RBFOX1: variants seen among roughly 807,000 people sequenced by gnomAD.
RBFOX1 encodes RNA binding protein fox-1 homolog 1.
RBFOX1 carries 8 observed loss-of-function variants against 57.7 expected under a neutral mutation model. That is an observed-to-expected ratio of 0.14 (90% CI 0.08 to 0.25). RBFOX1 has a LOEUF of 0.25. RBFOX1 is among the 10% of genes least tolerant of loss of function. The pLI is 1.00. For missense variants in RBFOX1, 611 were observed against 548.5 expected (o/e 1.11, Z -1.14); for synonymous variants, 326 against 222.4 (o/e 1.47, Z -4.15).
intron 3 of RBFOX1, among the ~76,000 whole-genome samples, chr16:6,963,735 G>A (rs968130627): frequency 5.3e-5 from 8 of 152,098 alleles, no homozygotes; most frequent in Non-Finnish European, 1.2e-4. Context: ...GTCTTGCTCT[G>A]TTGCCCAGGC....
At chr16:6,681,287 C>A (rs2058614365) in intron 3 of RBFOX1, among the ~76,000 whole-genome samples, 1 of 152,008 alleles carries the variant, frequency 6.6e-6, no homozygotes, top group Admixed American at 6.6e-5. Flanking sequence ...CACTGCACTC[C>A]AGTTTAGGTG....
intron 2 of RBFOX1, among the ~76,000 whole-genome samples, chr16:5,473,947 G>C (rs1382563314): frequency 6.6e-6 from 1 of 150,440 alleles, no homozygotes; most frequent in African/African-American, 2.4e-5. Flanking sequence ...TGGATGGATG[G>C]GTGGGTGGGT....
chr16:6,936,267 A>T (rs1475863319), intron 3 of RBFOX1, among the ~76,000 whole-genome samples: 1 of 152,222 alleles, frequency 6.6e-6, no homozygotes, highest in Non-Finnish European at 1.5e-5. Flanking sequence ...TAAATCAGAG[A>T]TGAGTAATTG....
intron 4 of RBFOX1, among the ~76,000 whole-genome samples, chr16:5,918,806 A>C (rs1401288181): frequency 6.6e-6 from 1 of 152,250 alleles, no homozygotes; most frequent in Non-Finnish European, 1.5e-5. Context: ...AGTGATAGTG[A>C]GACCTGCAAC....
At chr16:6,084,295 G>T (rs562567670) in intron 1 of RBFOX1, among the ~76,000 whole-genome samples, 2 of 152,072 alleles carry the variant, frequency 1.3e-5, no homozygotes, top group African/African-American at 4.8e-5. Flanking sequence ...CCAGGCTGGA[G>T]AGCAGTGATA....
intron 4 of RBFOX1, among the ~76,000 whole-genome samples, chr16:7,485,507 GGAATGAGGT>G (rs1414652302): frequency 1.3e-5 from 2 of 152,164 alleles, no homozygotes; most frequent in African/African-American, 4.8e-5. Context: ...AACATGACAG[GGAATGAGGT>G]GAATGAGCTG....
chr16:6,206,186 C>G (rs982678190), intron 1 of RBFOX1, among the ~76,000 whole-genome samples: 3 of 152,146 alleles, frequency 2.0e-5, no homozygotes, highest in African/African-American at 7.2e-5. Context: ...CCTCTCTCCC[C>G]TGGCTCACTT....
intron 3 of RBFOX1, among the ~76,000 whole-genome samples, chr16:6,930,997 C>G (rs762696828): frequency 1.6e-4 from 25 of 151,848 alleles, no homozygotes; most frequent in Non-Finnish European, 3.2e-4. Flanking sequence ...TTCCTATCTT[C>G]TCCTTTCTGG....
chr16:6,683,310 C>T (rs892940901), intron 3 of RBFOX1, among the ~76,000 whole-genome samples: 21 of 152,136 alleles, frequency 1.4e-4, no homozygotes, highest in Middle Eastern at 3.4e-3. Context: ...CCTTTAAATA[C>T]GGTCCTGGGC....
intron 3 of RBFOX1, among the ~76,000 whole-genome samples, chr16:7,020,323 T>G (rs2038606999): frequency 6.6e-6 from 1 of 152,126 alleles, no homozygotes; most frequent in African/African-American, 2.4e-5. Context: ...TCCGCCAGGT[T>G]CAAGTGATTC....
At chr16:5,976,099 C>T (rs2060056669) in intron 4 of RBFOX1, among the ~76,000 whole-genome samples, 1 of 151,892 alleles carries the variant, frequency 6.6e-6, no homozygotes, top group Non-Finnish European at 1.5e-5. Flanking sequence ...AGCCAAGACT[C>T]TCTAGACTGC....
At chr16:7,082,253 C>T (rs2059314883) in intron 4 of RBFOX1, among the ~76,000 whole-genome samples, 1 of 152,076 alleles carries the variant, frequency 6.6e-6, no homozygotes, top group Non-Finnish European at 1.5e-5. Flanking sequence ...GTACAGAATA[C>T]ATTGTCAAGT....
intron 3 of RBFOX1, among the ~76,000 whole-genome samples, chr16:6,807,645 A>G (rs1212835842): frequency 6.6e-6 from 1 of 152,054 alleles, no homozygotes; most frequent in Admixed American, 6.6e-5. Flanking sequence ...GTGAAAGCCC[A>G]TCTCCACTAA....
At chr16:5,995,388 G>A (rs533971965) in intron 4 of RBFOX1, among the ~76,000 whole-genome samples, 17 of 152,220 alleles carry the variant, frequency 1.1e-4, no homozygotes, top group East Asian at 5.8e-4. Context: ...TAGATTGCCC[G>A]CCATGAATTT....
intron 3 of RBFOX1, among the ~76,000 whole-genome samples, chr16:7,047,617 ATT>A (rs36185357): frequency 1.6e-4 from 22 of 140,954 alleles, no homozygotes; most frequent in Admixed American, 4.9e-4. Flanking sequence ...TTATTTCTTA[ATT>A]TTTTTTTTTG....
chr16:6,899,166 G>C (rs556438406), intron 3 of RBFOX1, among the ~76,000 whole-genome samples: 1 of 144,354 alleles, frequency 6.9e-6, no homozygotes, highest in African/African-American at 2.6e-5. Flanking sequence ...TGTAACATGT[G>C]TATGTGTGTG....
intron 3 of RBFOX1, among the ~76,000 whole-genome samples, chr16:5,713,600 C>A (rs1187785155): frequency 6.6e-6 from 1 of 152,142 alleles, no homozygotes; most frequent in East Asian, 1.9e-4. Context: ...ATGCCCGGAT[C>A]TTTGATTCTT....
At chr16:5,699,214 C>T (rs1391504752) in intron 3 of RBFOX1, among the ~76,000 whole-genome samples, 1 of 152,060 alleles carries the variant, frequency 6.6e-6, no homozygotes, top group Non-Finnish European at 1.5e-5. Context: ...TCTTGAATTC[C>T]TGACCTCGTG....
At chr16:6,617,008 T>C (rs2098152159) in intron 2 of RBFOX1, among the ~76,000 whole-genome samples, 1 of 152,172 alleles carries the variant, frequency 6.6e-6, no homozygotes, top group Admixed American at 6.5e-5. Context: ...ATACATACTA[T>C]CTGCTTCTTT....
Sources: allele counts gnomAD v4.1 joint callset (sites outside exome capture counted in the v4.1 genomes callset), GRCh38; gene constraint gnomAD v4.1.1; transcripts MANE v1.5; gene names NCBI Gene and HGNC (gene_info 2026-07-23, HGNC 2026-07-21).